The following ALK variants were observed in gnomAD, a reference collection of about 807,000 sequenced individuals.
The protein encoded by ALK is ALK receptor tyrosine kinase, also known as ALK tyrosine kinase receptor.
Under a neutral mutation model 163.1 loss-of-function variants are expected in ALK, and 74 were observed. That is an observed-to-expected ratio of 0.45 (90% CI 0.38 to 0.55). The LOEUF (loss-of-function observed/expected upper bound fraction) is 0.55, where lower values mean the gene tolerates loss of function less well. Ranked by LOEUF, ALK falls within the 20% of genes least tolerant of loss-of-function variation. The pLI, the probability that ALK is intolerant of heterozygous loss-of-function variation, is 0.00. For synonymous variants in ALK, 960 were observed against 843.2 expected (o/e 1.14, Z -2.40); for missense variants, 2,063 against 2,105.3 (o/e 0.98, Z 0.39).
At chr2:29,403,121 T>C (rs371608194) in intron 4 of ALK, among the ~76,000 whole-genome samples, 2 of 152,312 alleles carry the variant, frequency 1.3e-5, no homozygotes, top group South Asian at 4.1e-4. Flanking sequence ...TAAAATGAGA[T>C]GATAACCACA....
At chr2:29,856,889 G>A (rs1022988014) in intron 1 of ALK, among the ~76,000 whole-genome samples, 5 of 152,290 alleles carry the variant, frequency 3.3e-5, no homozygotes, top group East Asian at 3.9e-4. Flanking sequence ...AGTTTCTCCC[G>A]CCTCTAGGAT....
At chr2:29,676,823 A>T (rs911761898) in intron 3 of ALK, among the ~76,000 whole-genome samples, 2 of 151,800 alleles carry the variant, frequency 1.3e-5, no homozygotes, top group East Asian at 3.9e-4. Context: ...GCAATATGCA[A>T]TTTTTAATGT....
chr2:29,648,040 A>G (rs1405574654), intron 3 of ALK, among the ~76,000 whole-genome samples: 1 of 152,120 alleles, frequency 6.6e-6, no homozygotes, highest in Non-Finnish European at 1.5e-5. Context: ...TGCCTAGAGA[A>G]TAAAGCTGCA....
chr2:29,451,229 T>G (rs946340080), intron 4 of ALK, among the ~76,000 whole-genome samples: 2 of 152,214 alleles, frequency 1.3e-5, no homozygotes, highest in Non-Finnish European at 2.9e-5. Context: ...CCTGCTCTAC[T>G]GCAAATAGAT....
chr2:29,708,558 G>A (rs965786649), intron 2 of ALK, among the ~76,000 whole-genome samples: 35 of 152,106 alleles, frequency 2.3e-4, no homozygotes, highest in African/African-American at 8.0e-4. Flanking sequence ...CCCACACTGA[G>A]GCAATCTGTG....
At chr2:29,912,503 G>A (rs964367973) in intron 1 of ALK, among the ~76,000 whole-genome samples, 18 of 152,004 alleles carry the variant, frequency 1.2e-4, no homozygotes, top group African/African-American at 1.9e-4. Flanking sequence ...AGAATTTATC[G>A]TCAATAGTCT....
chr2:29,502,257 C>T (rs1277470807), intron 4 of ALK, among the ~76,000 whole-genome samples: 3 of 152,148 alleles, frequency 2.0e-5, no homozygotes, highest in Admixed American at 1.3e-4. Flanking sequence ...GGGTACAGAC[C>T]ATTGCTGGCT....
chr2:29,651,730 C>T (rs972944398), intron 3 of ALK, among the ~76,000 whole-genome samples: 3 of 152,158 alleles, frequency 2.0e-5, no homozygotes, highest in Non-Finnish European at 4.4e-5. Context: ...CTGCCTCATC[C>T]AGCAGCAACT....
chr2:29,247,693 C>T (rs369833007), intron 12 of ALK, among the ~76,000 whole-genome samples: 1 of 152,074 alleles, frequency 6.6e-6, no homozygotes, highest in Non-Finnish European at 1.5e-5. Flanking sequence ...GCAATGGTGG[C>T]CCCCCCTTGG....
intron 9 of ALK, among the ~76,000 whole-genome samples, chr2:29,282,685 A>G (rs968040008): frequency 1.3e-5 from 2 of 152,210 alleles, no homozygotes; most frequent in African/African-American, 4.8e-5. Flanking sequence ...CAAGGGCCAT[A>G]GAGATCTTTC....
intron 1 of ALK, among the ~76,000 whole-genome samples, chr2:29,824,443 C>T (rs1358879036): frequency 6.6e-6 from 1 of 152,234 alleles, no homozygotes; most frequent in East Asian, 1.9e-4. Context: ...GGAAAAGCCA[C>T]AGACACTCAA....
At position 29,246,630 on chromosome 2, in the gene ALK, T is replaced by C. The variant is rs368651513; in HGVS notation, c.2204+4475A>G. Among the ~76,000 whole-genome samples, 15 of 152,266 alleles carry C rather than the reference T, an allele frequency of 9.9e-5. 1 individual carries two copies. Among genetic ancestry groups the C allele is most frequent in the African/African-American group, 3.6e-4 (15 of 41,540 alleles). On this transcript the variant is annotated intron_variant, in intron 12 of 28. Transcript: ENST00000389048. The surrounding 1 kb of genome is among the most constrained non-coding windows in gnomAD (Gnocchi z 4.3). ...CCTTTGTCCTCGCTTCCTCAGTCCA[T>C]GCCAGAGCGTGGATGTAGTCCCAGC...
chr2:29,647,775 CTTTTTT>C lies in ALK; in HGVS notation c.952+47069_952+47074del, dbSNP rs34620705. On this transcript the variant is annotated intron_variant, in intron 3 of 28. Transcript: ENST00000389048. ...CCATGCACCACGTTCATGATTTTTTCTTTTTTTTTTTTTTTTTTTGCCACAGTCACA... is the reference window on the plus strand; with the variant it reads ...CCATGCACCACGTTCATGATTTTTTCTTTTTTTTTTTTTGCCACAGTCACA... Among the ~76,000 whole-genome samples the C allele has an allele frequency of 1.3e-3, 156 of 117,210 alleles. No homozygotes were observed. The East Asian group carries it at 0.013, about 10-fold the overall frequency. The allele number at this position is 117,210 out of a possible 152,430, so 76.9% of individuals were successfully genotyped here.
intron 3 of ALK, among the ~76,000 whole-genome samples, chr2:29,692,609 C>G (rs1336221375): frequency 1.3e-5 from 2 of 152,226 alleles, no homozygotes; most frequent in Admixed American, 1.3e-4. Context: ...CTATAAGAAT[C>G]TAATGCGGCA....
intron 3 of ALK, among the ~76,000 whole-genome samples, chr2:29,678,649 G>A (rs1677965858): frequency 6.6e-6 from 1 of 150,974 alleles, no homozygotes; most frequent in South Asian, 2.1e-4. Flanking sequence ...TATTGTGATT[G>A]AAGGATATAC....
chr2:29,751,080 G>A (rs1351500566), intron 1 of ALK, among the ~76,000 whole-genome samples: 1 of 151,998 alleles, frequency 6.6e-6, no homozygotes, highest in Non-Finnish European at 1.5e-5. Context: ...AAAAGGAAGG[G>A]GAGGAGAGGG....
intron 3 of ALK, among the ~76,000 whole-genome samples, chr2:29,581,137 C>G (rs933393918): frequency 6.6e-6 from 1 of 152,206 alleles, no homozygotes; most frequent in African/African-American, 2.4e-5. Flanking sequence ...TGCCTATAAT[C>G]CCAGCACTTT....
chr2:29,847,615 C>T (rs1665879552), intron 1 of ALK, among the ~76,000 whole-genome samples: 1 of 152,088 alleles, frequency 6.6e-6, no homozygotes, highest in Non-Finnish European at 1.5e-5. Flanking sequence ...GAAAGGTGAA[C>T]ATGACAATCT....
intron 11 of ALK, among the ~76,000 whole-genome samples, chr2:29,268,101 A>G (rs1665266058): frequency 6.6e-6 from 1 of 152,214 alleles, no homozygotes. Context: ...TAGAAGGGCA[A>G]CAGTATCGAC....
Sources: allele counts gnomAD v4.1 joint callset (sites outside exome capture counted in the v4.1 genomes callset), GRCh38; gene constraint gnomAD v4.1.1; non-coding constraint Gnocchi (gnomAD v3.1); transcripts MANE v1.5; gene names NCBI Gene and HGNC (gene_info 2026-07-23, HGNC 2026-07-21).